The following UBAC2 variants were observed in gnomAD, a reference collection of about 807,000 sequenced individuals.
UBAC2 encodes the protein UBA domain containing 2.
A neutral mutation model predicts 44.0 loss-of-function variants in UBAC2; 26 were observed. That is an observed-to-expected ratio of 0.59 (90% CI 0.43 to 0.82). The LOEUF is 0.82. UBAC2 is among the 40% of genes least tolerant of loss of function. The probability of loss-of-function intolerance (pLI) is 0.00; values close to 1 mark genes in which losing one functional copy is unlikely to be tolerated. For missense variants in UBAC2, 329 were observed against 419.4 expected, an observed-to-expected ratio of 0.78 and a Z score of 1.88; for synonymous variants, 155 against 154.3, an observed-to-expected ratio of 1.00 and a Z score of -0.04.
At chr13:99,316,621 G>T (rs571534826) in intron 5 of UBAC2, among the ~76,000 whole-genome samples, 2 of 152,220 alleles carry the variant, frequency 1.3e-5, no homozygotes, top group Admixed American at 1.3e-4. Context: ...TCCTCAAGGA[G>T]CCCAGCCATG....
intron 6 of UBAC2, among the ~76,000 whole-genome samples, chr13:99,319,483 C>A (rs1024175369): frequency 1.3e-5 from 2 of 152,124 alleles, no homozygotes; most frequent in Admixed American, 1.3e-4. Context: ...CCTGCTTACC[C>A]CTCTTCTTCC....
intron 8 of UBAC2, among the ~76,000 whole-genome samples, chr13:99,381,989 A>C (rs189330000): frequency 1.3e-5 from 2 of 152,198 alleles, no homozygotes; most frequent in Non-Finnish European, 2.9e-5. Flanking sequence ...ACAACATCTC[A>C]TCAGCTTATG....
rs761108920 is a variant in UBAC2 at position 99,314,135 on chromosome 13, G to A, written c.428G>A (p.Cys143Tyr). ...TTTGCTCTGTTTGTACCATTTTACT[G>A]CTCCATACCAAGAGTCCAAGTGGCA... is the stretch of plus-strand genomic sequence containing the variant. ...PVFALFVPFY[C>Y]SIPRVQVAQI... Residue 143 changes from cysteine to tyrosine, a missense_variant, in exon 5 of 9, where the codon TGC (cysteine) becomes TAC (tyrosine). By Grantham distance (194) the Cys-to-Tyr change is radical (BLOSUM62 -2). Transcript: ENST00000403766. The A allele has an allele frequency of 6.8e-6, 11 of 1,613,344 alleles. No individual in the cohort carries two copies. The highest frequency in any genetic ancestry group is 1.7e-5 in the Admixed American group (1 of 59,956).
chr13:99,270,956 A>T (rs1231610305), intron 4 of UBAC2, among the ~76,000 whole-genome samples: 2 of 152,220 alleles, frequency 1.3e-5, no homozygotes, highest in Non-Finnish European at 2.9e-5. Flanking sequence ...TTACAAGAGC[A>T]ATCGGCTCTT....
At chr13:99,203,876 A>G (rs1362409899) in intron 1 of UBAC2, among the ~76,000 whole-genome samples, 2 of 152,324 alleles carry the variant, frequency 1.3e-5, no homozygotes, top group Middle Eastern at 3.4e-3. Flanking sequence ...GGGGACAGCA[A>G]TACAGTTTCA....
chr13:99,352,164 A>G (rs2045103119), intron 7 of UBAC2, among the ~76,000 whole-genome samples: 2 of 152,178 alleles, frequency 1.3e-5, no homozygotes, highest in South Asian at 4.1e-4. Flanking sequence ...TTTTAAAAGT[A>G]TTTACTGGTC....
chr13:99,290,948 G>C (rs1466849687), intron 4 of UBAC2, among the ~76,000 whole-genome samples: 1 of 152,100 alleles, frequency 6.6e-6, no homozygotes, highest in African/African-American at 2.4e-5. Context: ...ATGGGGAGAT[G>C]TCCAAGGCCC....
chr13:99,320,636 G>C (rs1194914697), intron 6 of UBAC2, among the ~76,000 whole-genome samples: 3 of 152,034 alleles, frequency 2.0e-5, no homozygotes, highest in Non-Finnish European at 4.4e-5. Context: ...GTTTTCCTAT[G>C]TTCCTATACC....
chr13:99,270,024 A>G (rs533421362), intron 4 of UBAC2, among the ~76,000 whole-genome samples: 1 of 152,218 alleles, frequency 6.6e-6, no homozygotes, highest in Admixed American at 6.5e-5. Context: ...GGTATTGTGT[A>G]TGTGTGTTAA....
intron 8 of UBAC2, among the ~76,000 whole-genome samples, chr13:99,368,925 A>G (rs1006799688): frequency 1.3e-5 from 2 of 152,118 alleles, no homozygotes; most frequent in Middle Eastern, 3.4e-3. Flanking sequence ...CCAGGAAAGT[A>G]AGGAAGTGAT....
At chr13:99,296,219 T>G (rs2044170913) in intron 4 of UBAC2, 18 of 1,400,630 alleles carry the variant, frequency 1.3e-5, no homozygotes, top group South Asian at 1.6e-5. Flanking sequence ...TCAGTTTGAT[T>G]ACTCATTAGT....
chr13:99,266,534 C>G (rs1218904658), intron 4 of UBAC2, among the ~76,000 whole-genome samples: 1 of 152,186 alleles, frequency 6.6e-6, no homozygotes, highest in Non-Finnish European at 1.5e-5. Flanking sequence ...TGGAAGCATC[C>G]TCTTTTTTAG....
At chr13:99,248,061 TCTGA>T (rs1299615669) in intron 4 of UBAC2, among the ~76,000 whole-genome samples, 1 of 152,156 alleles carries the variant, frequency 6.6e-6, no homozygotes, top group Non-Finnish European at 1.5e-5. Flanking sequence ...CCTAATTCTT[TCTGA>T]CTTAGTTACT....
intron 4 of UBAC2, among the ~76,000 whole-genome samples, chr13:99,294,377 A>G (rs2094926265): frequency 6.6e-6 from 1 of 152,180 alleles, no homozygotes; most frequent in Admixed American, 6.5e-5. Context: ...AGAGGCCCTA[A>G]AAGACTGTGC....
chr13:99,311,685 A>G (rs2044412782), intron 4 of UBAC2, among the ~76,000 whole-genome samples: 1 of 152,228 alleles, frequency 6.6e-6, no homozygotes, highest in Admixed American at 6.5e-5. Context: ...GAGGTTTTTG[A>G]GAACTCTGTA....
chr13:99,361,484 G>A (rs1480205984), intron 7 of UBAC2, among the ~76,000 whole-genome samples: 1 of 152,178 alleles, frequency 6.6e-6, no homozygotes, highest in African/African-American at 2.4e-5. Context: ...TCACTCTCTT[G>A]TAAGAAATGA....
intron 4 of UBAC2, among the ~76,000 whole-genome samples, chr13:99,293,669 A>G (rs889406629): frequency 3.3e-5 from 5 of 152,240 alleles, no homozygotes; most frequent in Admixed American, 2.6e-4. Context: ...CAATGGCTTT[A>G]AAATCAGGTG....
chr13:99,292,266 G>A (rs889505028), intron 4 of UBAC2, among the ~76,000 whole-genome samples: 1 of 151,646 alleles, frequency 6.6e-6, no homozygotes, highest in African/African-American at 2.4e-5. Flanking sequence ...CTCCTGAGTA[G>A]CTGGGACTAC....
intron 8 of UBAC2, among the ~76,000 whole-genome samples, chr13:99,384,551 C>T (rs2045593391): frequency 6.6e-6 from 1 of 152,282 alleles, no homozygotes; most frequent in Admixed American, 6.5e-5. Flanking sequence ...GTGGCTTTCA[C>T]TGCCTCCTTC....
Sources: allele counts gnomAD v4.1 joint callset (sites outside exome capture counted in the v4.1 genomes callset), GRCh38; gene constraint gnomAD v4.1.1; transcripts MANE v1.5; gene names NCBI Gene and HGNC (gene_info 2026-07-23, HGNC 2026-07-21).